SYN3: variants seen among roughly 807,000 people sequenced by gnomAD.
SYN3 encodes the protein synapsin-3.
SYN3 carries 35 observed loss-of-function variants against 65.8 expected under a neutral mutation model. The observed-to-expected ratio is 0.53, with a 90% CI of 0.41 to 0.70. The LOEUF (loss-of-function observed/expected upper bound fraction) is 0.70. SYN3 is among the 30% of genes least tolerant of loss of function. The pLI is 0.00. For synonymous variants in SYN3, 270 were observed against 292.9 expected, an observed-to-expected ratio of 0.92 and a Z score of 0.80; for missense variants, 680 against 749.0, an observed-to-expected ratio of 0.91 and a Z score of 1.08.
chr22:32,833,738 C>A, intron 6 of SYN3: 2 of 493,570 alleles, frequency 4.1e-6, no homozygotes, highest in South Asian at 2.9e-5. Context: ...GGGAGAGTCA[C>A]TTCTTCTTTA....
chr22:32,588,962 C>T (rs2059090152), intron 7 of SYN3, among the ~76,000 whole-genome samples: 1 of 152,200 alleles, frequency 6.6e-6, no homozygotes, highest in Admixed American at 6.5e-5. Flanking sequence ...TGCCTCTTTC[C>T]ATGGCATTGA....
At chr22:32,882,473 A>C (rs774147669) in intron 4 of SYN3, among the ~76,000 whole-genome samples, 4 of 152,242 alleles carry the variant, frequency 2.6e-5, no homozygotes, top group African/African-American at 9.6e-5. Flanking sequence ...GGGAAACAAC[A>C]GTTAGCATTT....
chr22:32,693,113 T>C (rs1015197709), intron 6 of SYN3, among the ~76,000 whole-genome samples: 15 of 152,198 alleles, frequency 9.9e-5, no homozygotes, highest in Admixed American at 8.5e-4. Context: ...ATTACATACA[T>C]ACATATGATG....
rs931432343 is a variant in SYN3 at position 32,509,308 on chromosome 22, T to C, written c.*4384A>G. On this transcript the variant is annotated 3_prime_UTR_variant, in exon 14 of 14. Coordinates refer to ENST00000358763, the MANE Select transcript of SYN3 (RefSeq NM_003490.4). ...CCGAGTCAGCTTGGAGGGAAAATGC[T>C]AGCCTCTCTCTGGCTCAAAGTTGTG... 6.6e-6 allele frequency among the ~76,000 whole-genome samples: 1 copy of C among 152,206 alleles called. No homozygotes were observed. The highest frequency in any genetic ancestry group is 2.4e-5 in the African/African-American group (1 of 41,450).
chr22:32,735,500 T>C (rs2157135), intron 6 of SYN3, among the ~76,000 whole-genome samples: 45,408 of 151,838 alleles, frequency 0.3, 7,150 homozygotes, highest in South Asian at 0.4. Flanking sequence ...ACATCATTCC[T>C]GTATTTGTTT....
intron 6 of SYN3, among the ~76,000 whole-genome samples, chr22:32,854,934 C>G (rs1014304702): frequency 6.6e-6 from 1 of 152,180 alleles, no homozygotes; most frequent in Non-Finnish European, 1.5e-5. Flanking sequence ...CACCTACCCC[C>G]GCCAACCAGT....
intron 4 of SYN3, among the ~76,000 whole-genome samples, chr22:32,899,019 T>G (rs2049680750): frequency 1.3e-5 from 2 of 151,166 alleles, no homozygotes; most frequent in Admixed American, 6.6e-5. Flanking sequence ...GGAGAATCGC[T>G]TGAACCAGGA....
chr22:32,627,644 T>A (rs1329517684), intron 6 of SYN3, among the ~76,000 whole-genome samples: 2 of 152,010 alleles, frequency 1.3e-5, no homozygotes, highest in Non-Finnish European at 2.9e-5. Context: ...GAAGCTTTCA[T>A]GCATAGACAT....
intron 6 of SYN3, among the ~76,000 whole-genome samples, chr22:32,784,369 C>G (rs1292897755): frequency 2.0e-5 from 3 of 152,164 alleles, no homozygotes; most frequent in African/African-American, 7.2e-5. Flanking sequence ...TTTGAAGAAG[C>G]AGGTTGCCGC....
chr22:33,026,110 C>T (rs2053638136), intron 1 of SYN3, among the ~76,000 whole-genome samples: 1 of 152,164 alleles, frequency 6.6e-6, no homozygotes, highest in African/African-American at 2.4e-5. Context: ...AGAGTGAACT[C>T]CTAGCCAACC....
At chr22:32,996,452 C>A (rs1260799670) in intron 2 of SYN3, among the ~76,000 whole-genome samples, 1 of 151,930 alleles carries the variant, frequency 6.6e-6, no homozygotes, top group East Asian at 1.9e-4. Context: ...TGTGATCCCA[C>A]TTTACAGACA....
rs199663400 is a variant in SYN3, at chr22:32,510,982, G to GGTGTGTGTGTGTGT, written c.*2709_*2710insACACACACACACAC. On this transcript the variant is annotated 3_prime_UTR_variant, in exon 14 of 14. Transcript: ENST00000358763. The stretch of plus-strand genomic sequence containing the variant: ...TTTGTCAATTCCAAGTTATTGTCCA[G>GGTGTGTGTGTGTGT]GCGTGTGTGTGTGTGTGTGTGTGTG... Among the ~76,000 whole-genome samples the GGTGTGTGTGTGTGT allele has an allele frequency of 2.9e-5, 3 of 102,300 alleles. No individual in the cohort carries two copies. The highest frequency in any genetic ancestry group is 1.3e-4 in the African/African-American group (3 of 22,946). 67.1% of individuals were successfully genotyped at this position (102,300 alleles called of 152,430 possible). A position where few individuals can be genotyped will look rare whatever the true frequency, so the allele number is the denominator to read the frequency against.
At chr22:32,584,041 T>G (rs1017189749) in intron 7 of SYN3, 2 of 152,238 alleles carry the variant, frequency 1.3e-5, no homozygotes, top group Admixed American at 6.5e-5. Flanking sequence ...CCCTGTCCCA[T>G]GACTTTACTC....
At chr22:32,613,200 A>C (rs1404547071) in intron 6 of SYN3, among the ~76,000 whole-genome samples, 2 of 152,032 alleles carry the variant, frequency 1.3e-5, no homozygotes, top group East Asian at 1.9e-4. Context: ...ATAAATTAAA[A>C]AATTTTAATT....
intron 4 of SYN3, among the ~76,000 whole-genome samples, chr22:32,891,921 G>GTCTA (rs1340069502): frequency 6.6e-6 from 1 of 151,762 alleles, no homozygotes; most frequent in Admixed American, 6.6e-5. Context: ...TAAATTCCAG[G>GTCTA]TCTATATAAA....
intron 6 of SYN3, among the ~76,000 whole-genome samples, chr22:32,839,309 A>T (rs2047827927): frequency 6.6e-6 from 1 of 152,110 alleles, no homozygotes; most frequent in Non-Finnish European, 1.5e-5. Flanking sequence ...TCCTGGGAGA[A>T]TGTGGGGGAC....
intron 6 of SYN3, among the ~76,000 whole-genome samples, chr22:32,598,495 A>T (rs77631824): frequency 1.0e-5 from 1 of 97,988 alleles, no homozygotes; most frequent in Admixed American, 1.0e-4. Context: ...TTTAAATAAT[A>T]TTTTTTTTGA....
At chr22:32,645,603 T>C (rs183896548) in intron 6 of SYN3, among the ~76,000 whole-genome samples, 18 of 152,318 alleles carry the variant, frequency 1.2e-4, no homozygotes, top group African/African-American at 3.8e-4. Context: ...GAAACGTTAA[T>C]TGGTAATTGT....
chr22:32,768,508 C>A (rs906812193), intron 6 of SYN3, among the ~76,000 whole-genome samples: 6 of 152,316 alleles, frequency 3.9e-5, no homozygotes, highest in Admixed American at 6.5e-5. Flanking sequence ...TTATCCCAGA[C>A]CTCCTTCTGA....
Sources: gnomAD v4.1 joint callset for allele counts (sites outside exome capture counted in the v4.1 genomes callset) on GRCh38, gnomAD v4.1.1 for gene constraint, MANE v1.5 for transcripts, NCBI Gene and HGNC (gene_info 2026-07-23, HGNC 2026-07-21) for gene names.